Variants in DOCK2 observed in about 807,000 individuals in gnomAD.
DOCK2 encodes the protein dedicator of cytokinesis 2.
DOCK2 carries 87 observed loss-of-function variants against 248.9 expected under a neutral mutation model. That is an observed-to-expected ratio of 0.35 (90% CI 0.29 to 0.42). DOCK2 has a LOEUF of 0.42. Among genes scored for constraint, DOCK2 ranks in the 10% least tolerant of loss-of-function variants. The pLI is 1.00. For synonymous variants in DOCK2, 805 were observed against 821.6 expected (o/e 0.98, Z 0.35); for missense variants, 1,747 against 2,300.2 (o/e 0.76, Z 4.92).
At chr5:169,708,081 C>A in intron 14 of DOCK2, 88 bp from the exon 15 acceptor site, 3 of 1,404,318 alleles carry the variant, frequency 2.1e-6, no homozygotes, top group African/African-American at 1.4e-5. Context: ...GGCCCTAAGG[C>A]TGGTCGTGGC....
intron 11 of DOCK2, among the ~76,000 whole-genome samples, chr5:169,699,141 C>T (rs1208556875): frequency 6.6e-6 from 1 of 152,188 alleles, no homozygotes; most frequent in Admixed American, 6.5e-5. Flanking sequence ...CCTTTATAAG[C>T]ATCTTCCTGG....
intron 27 of DOCK2, among the ~76,000 whole-genome samples, chr5:169,896,621 C>G (rs1171636583): frequency 1.3e-5 from 2 of 152,154 alleles, no homozygotes; most frequent in Non-Finnish European, 2.9e-5. Flanking sequence ...AACTTTGGCT[C>G]CTATTATGAT....
At chr5:170,053,931 G>A (rs1757014415) in intron 41 of DOCK2, among the ~76,000 whole-genome samples, 1 of 152,122 alleles carries the variant, frequency 6.6e-6, no homozygotes, top group Non-Finnish European at 1.5e-5. Context: ...AGGTGGGCTG[G>A]GGGGATGAGG....
At chr5:169,645,737 G>T (rs983922360) in intron 1 of DOCK2, among the ~76,000 whole-genome samples, 1 of 152,004 alleles carries the variant, frequency 6.6e-6, no homozygotes, top group Non-Finnish European at 1.5e-5. Flanking sequence ...TTCTTCTAGG[G>T]TTTTAAATTT....
chr5:169,667,135 T>C (rs1561581748), intron 2 of DOCK2, among the ~76,000 whole-genome samples: 1 of 152,240 alleles, frequency 6.6e-6, no homozygotes, highest in Non-Finnish European at 1.5e-5. Context: ...ATGAGCTTTG[T>C]GTAGGGACCA....
At chr5:169,755,850 A>T (rs1039704034) in intron 23 of DOCK2, among the ~76,000 whole-genome samples, 2 of 152,224 alleles carry the variant, frequency 1.3e-5, no homozygotes, top group African/African-American at 4.8e-5. Context: ...CTTATGGTTG[A>T]GGTGCTCTGC....
rs571943571 is a variant in DOCK2 at position 169,912,218 on chromosome 5, A to G, written c.2800-70850A>G. 9.2e-5 allele frequency among the ~76,000 whole-genome samples: 14 copies of G among 151,540 alleles called. No individual in the cohort carries two copies. In the South Asian group the frequency reaches 2.9e-3, roughly 32 times the overall value. ...TCAGTTATAGGCCAGGCTTTTATTT[A>G]TTTATTATTTTATTTATTTATTTAG... is the stretch of plus-strand genomic sequence containing the variant. On this transcript the variant is annotated intron_variant, in intron 27 of 51. Transcript: ENST00000520908.
rs958453710 is a variant in DOCK2 at position 169,653,622 on chromosome 5, C to T, written c.44-781C>T. Among the ~76,000 whole-genome samples the T allele has an allele frequency of 2.6e-5, 4 of 152,320 alleles. No individual in the cohort carries two copies. The East Asian group carries it at 7.7e-4, about 29-fold the overall frequency. Reference sequence around the variant, plus strand: ...TGTGCTGGTCGGGGAGGAGCATGGGCCCAGCTCAGCTGGCCCTGCCTGCAG... The same window carrying T: ...TGTGCTGGTCGGGGAGGAGCATGGGTCCAGCTCAGCTGGCCCTGCCTGCAG... On this transcript the variant is annotated intron_variant, in intron 1 of 51. Coordinates refer to ENST00000520908, the MANE Select transcript of DOCK2 (RefSeq NM_004946.3).
At chr5:169,897,612 A>G (rs11741998) in intron 27 of DOCK2, among the ~76,000 whole-genome samples, 56,183 of 152,104 alleles carry the variant, frequency 0.37, 11,578 homozygotes, top group Admixed American at 0.5. Flanking sequence ...AGACAGAACC[A>G]CAGCCCCATG....
intron 22 of DOCK2, among the ~76,000 whole-genome samples, chr5:169,724,682 C>T (rs1490708327): frequency 6.6e-6 from 1 of 152,160 alleles, no homozygotes; most frequent in Non-Finnish European, 1.5e-5. Flanking sequence ...ACGTGATTGC[C>T]CTTTCTCTAA....
At chr5:169,981,544 T>G (rs771106182) in intron 27 of DOCK2, among the ~76,000 whole-genome samples, 2 of 152,208 alleles carry the variant, frequency 1.3e-5, no homozygotes, top group Non-Finnish European at 2.9e-5. Flanking sequence ...TATGGTGATC[T>G]GTGATCGGTG....
At chr5:169,971,478 A>G (rs1304268640) in intron 27 of DOCK2, among the ~76,000 whole-genome samples, 1 of 151,562 alleles carries the variant, frequency 6.6e-6, no homozygotes, top group Non-Finnish European at 1.5e-5. Flanking sequence ...TGCTCTATCC[A>G]AAAGGGCTTT....
At chr5:169,772,122 T>C (rs1765120912) in intron 25 of DOCK2, among the ~76,000 whole-genome samples, 1 of 152,198 alleles carries the variant, frequency 6.6e-6, no homozygotes, top group Non-Finnish European at 1.5e-5. Flanking sequence ...AGGGTTGCTG[T>C]AGACTGGATT....
intron 27 of DOCK2, among the ~76,000 whole-genome samples, chr5:169,928,393 T>G (rs116028090): frequency 0.01 from 1,583 of 152,364 alleles, 22 homozygotes; most frequent in African/African-American, 0.037. Context: ...TTTGCACTGC[T>G]CTGCCCCAGA....
intron 27 of DOCK2, among the ~76,000 whole-genome samples, chr5:169,974,841 C>A (rs1027075226): frequency 8.6e-5 from 13 of 150,600 alleles, no homozygotes; most frequent in South Asian, 6.3e-4. Flanking sequence ...CCCCCCTCCC[C>A]CCGACACACA....
rs1037136922 is a variant in DOCK2 at position 169,836,990 on chromosome 5, C to T, written c.2704-3767C>T. Among the ~76,000 whole-genome samples, 8 of 152,228 alleles carry T rather than the reference C, an allele frequency of 5.3e-5. No individual in the cohort carries two copies. The South Asian group carries it at 1.7e-3, about 32-fold the overall frequency. On this transcript the variant is annotated intron_variant, in intron 26 of 51. Transcript: ENST00000520908. ...GTTTTGCACTGCATTCTGAAAAGTCCTAGGAGTGGCCTAGGGTCAAGAGTG... is the reference window on the plus strand; with the variant it reads ...GTTTTGCACTGCATTCTGAAAAGTCTTAGGAGTGGCCTAGGGTCAAGAGTG...
intron 33 of DOCK2, among the ~76,000 whole-genome samples, chr5:170,020,663 T>C (rs1755688952): frequency 6.6e-6 from 1 of 152,244 alleles, no homozygotes; most frequent in South Asian, 2.1e-4. Flanking sequence ...ATCAAGAAAG[T>C]AGCAGAACAA....
chr5:170,077,688 C>T (rs1757882322), intron 47 of DOCK2, 22 bp from the exon 48 acceptor site: 1 of 1,612,834 alleles, frequency 6.2e-7, no homozygotes, highest in South Asian at 1.1e-5. Context: ...CAGCTGCTAA[C>T]CACCCTGTTC....
chr5:169,949,318 G>A (rs116127168), intron 27 of DOCK2, among the ~76,000 whole-genome samples: 2 of 152,136 alleles, frequency 1.3e-5, no homozygotes, highest in Non-Finnish European at 2.9e-5. Context: ...AATGTGGACA[G>A]AACTGTAAAT....
Sources: allele counts gnomAD v4.1 joint callset (sites outside exome capture counted in the v4.1 genomes callset), GRCh38; gene constraint gnomAD v4.1.1; transcripts MANE v1.5; gene names NCBI Gene and HGNC (gene_info 2026-07-23, HGNC 2026-07-21).